ESR2: variants seen among roughly 807,000 people sequenced by gnomAD.
ESR2 encodes the protein estrogen receptor 2.
A neutral mutation model predicts 49.6 loss-of-function variants in ESR2; 36 were observed. The ratio of observed to expected loss-of-function variants is 0.73; its 90% CI spans 0.56 to 0.96. ESR2 has a LOEUF of 0.96. Among genes scored for constraint, ESR2 ranks in the 40% least tolerant of loss-of-function variants. The pLI is 0.00. For missense variants in ESR2, 714 were observed against 693.0 expected, an observed-to-expected ratio of 1.03 and a Z score of -0.34; for synonymous variants, 320 against 266.1, an observed-to-expected ratio of 1.20 and a Z score of -1.97.
chr14:64,333,945 T>C (rs1262007528), intron 1 of ESR2, among the ~76,000 whole-genome samples: 1 of 152,100 alleles, frequency 6.6e-6, no homozygotes, highest in Non-Finnish European at 1.5e-5. Flanking sequence ...TCATATTTTA[T>C]ATATAAATAT....
chr14:64,274,678 T>C (rs1256131032), intron 3 of ESR2, among the ~76,000 whole-genome samples: 4 of 152,152 alleles, frequency 2.6e-5, no homozygotes, highest in African/African-American at 4.8e-5. Flanking sequence ...CTTTTCTAGT[T>C]CTTTAAGATA....
At chr14:64,274,997 C>T (rs183378650) in intron 3 of ESR2, among the ~76,000 whole-genome samples, 3 of 152,254 alleles carry the variant, frequency 2.0e-5, no homozygotes, top group Admixed American at 2.0e-4. Context: ...TGTTTTAACA[C>T]TTGTCTTGTG....
In ESR2 at chr14:64,229,879, TA is replaced by T. The variant is rs199946033; in HGVS notation, c.*3257del. ...TCTTTTTAAAAGATTTTCAGCAACTTAAAAAAAAATGTGGCGGGGCTGGGCA... is the reference window on the plus strand; with the variant it reads ...TCTTTTTAAAAGATTTTCAGCAACTTAAAAAAAATGTGGCGGGGCTGGGCA... On this transcript the variant is annotated 3_prime_UTR_variant, in exon 9 of 9. Coordinates refer to ENST00000341099, the MANE Select transcript of ESR2 (RefSeq NM_001437.3). Among the ~76,000 whole-genome samples the T allele has an allele frequency of 7.5e-3, 1,130 of 151,380 alleles. 11 individuals are homozygous for T. The highest frequency in any genetic ancestry group is 0.025 in the African/African-American group (1,039 of 41,386).
intron 1 of ESR2, among the ~76,000 whole-genome samples, chr14:64,306,379 T>G (rs1430967508): frequency 1.3e-5 from 2 of 152,198 alleles, no homozygotes; most frequent in East Asian, 3.8e-4. Context: ...ATCTCTGACA[T>G]CAGCAGCAAC....
chr14:64,285,013 C>T (rs1197329587), intron 1 of ESR2, among the ~76,000 whole-genome samples: 1 of 152,034 alleles, frequency 6.6e-6, no homozygotes, highest in Admixed American at 6.5e-5. Context: ...CCACGCCCAG[C>T]TAACTTTTTG....
downstream of ESR2, chr14:64,227,805 CTT>C (rs2098723027): frequency 1.7e-5 from 27 of 1,557,994 alleles, no homozygotes; most frequent in Non-Finnish European, 2.1e-5. Context: ...TCCCAAAACT[CTT>C]TTATGAGGTA....
intron 7 of ESR2, among the ~76,000 whole-genome samples, chr14:64,246,148 G>A (rs1439245425): frequency 6.6e-6 from 1 of 152,218 alleles, no homozygotes; most frequent in Non-Finnish European, 1.5e-5. Flanking sequence ...TTCAAGACCA[G>A]CCTGGACAAC....
chr14:64,238,841 T>A (rs2075662469), intron 7 of ESR2, among the ~76,000 whole-genome samples: 2 of 151,874 alleles, frequency 1.3e-5, no homozygotes, highest in South Asian at 4.2e-4. Context: ...GGACACAATC[T>A]TCTCTCCCCT....
chr14:64,236,051 G>A (rs372214501), intron 7 of ESR2, among the ~76,000 whole-genome samples: 5 of 152,212 alleles, frequency 3.3e-5, no homozygotes, highest in Admixed American at 3.3e-4. Context: ...AGTCTTGGCT[G>A]TCATGAGACT....
At chr14:64,317,812 T>A (rs1263078307) in intron 1 of ESR2, among the ~76,000 whole-genome samples, 2 of 151,992 alleles carry the variant, frequency 1.3e-5, no homozygotes, top group Non-Finnish European at 2.9e-5. Context: ...ACACCACTCA[T>A]AAAAATAAAC....
At chr14:64,228,240 T>A (rs1232579107), downstream of ESR2, among the ~76,000 whole-genome samples, 1 of 152,192 alleles carries the variant, frequency 6.6e-6, no homozygotes, top group Non-Finnish European at 1.5e-5. Flanking sequence ...AACCCCACAA[T>A]AAGAATTCAG....
intron 5 of ESR2, among the ~76,000 whole-genome samples, chr14:64,259,873 C>T (rs2076176272): frequency 6.6e-6 from 1 of 152,198 alleles, no homozygotes; most frequent in Non-Finnish European, 1.5e-5. Context: ...TCATACTGTA[C>T]TCTACCCCAC....
At chr14:64,329,005 T>A (rs1005410253) in intron 1 of ESR2, among the ~76,000 whole-genome samples, 10 of 152,120 alleles carry the variant, frequency 6.6e-5, no homozygotes, top group African/African-American at 2.4e-4. Flanking sequence ...TAAAATATTA[T>A]TTATATTGTA....
At chr14:64,228,227 T>G (rs377544314), downstream of ESR2, among the ~76,000 whole-genome samples, 13 of 152,354 alleles carry the variant, frequency 8.5e-5, no homozygotes, top group South Asian at 6.2e-4. Context: ...CAAAGGACTC[T>G]CTAACCCCAC....
downstream of ESR2, chr14:64,227,561 A>G (rs1489544167): frequency 3.2e-5 from 52 of 1,614,224 alleles, no homozygotes; most frequent in Non-Finnish European, 4.4e-5. Flanking sequence ...TTCAGGCAAA[A>G]GAGTCTCCAT....
chr14:64,296,821 A>C (rs773366789), upstream of ESR2, among the ~76,000 whole-genome samples: 2 of 152,240 alleles, frequency 1.3e-5, no homozygotes, highest in Non-Finnish European at 2.9e-5. Flanking sequence ...AGGAAATAAT[A>C]AGCAGAAAAT....
At chr14:64,338,472 C>A (rs1044373357), upstream of ESR2, 12 of 154,820 alleles carry the variant, frequency 7.8e-5, no homozygotes, top group African/African-American at 2.6e-4. Flanking sequence ...AGTTCCACAT[C>A]TGCTGTAGAG....
intron 3 of ESR2, among the ~76,000 whole-genome samples, chr14:64,279,676 A>C (rs888500868): frequency 5.9e-5 from 9 of 152,246 alleles, no homozygotes; most frequent in African/African-American, 2.2e-4. Context: ...CCTTGTGAGC[A>C]CATTTTTTCC....
At chr14:64,311,180 G>A (rs996950614) in intron 1 of ESR2, among the ~76,000 whole-genome samples, 2 of 152,028 alleles carry the variant, frequency 1.3e-5, no homozygotes, top group African/African-American at 2.4e-5. Context: ...GACTTACAGG[G>A]GGTTAAGCAA....
Sources: allele counts gnomAD v4.1 joint callset (sites outside exome capture counted in the v4.1 genomes callset), GRCh38; gene constraint gnomAD v4.1.1; transcripts MANE v1.5; gene names NCBI Gene and HGNC (gene_info 2026-07-23, HGNC 2026-07-21).